The following PLEKHA5 variants were observed in gnomAD, a reference collection of about 807,000 sequenced individuals.
The protein encoded by PLEKHA5 is pleckstrin homology domain containing A5, also known as pleckstrin homology domain-containing family A member 5.
PLEKHA5 carries 55 observed loss-of-function variants against 181.9 expected under a neutral mutation model. The observed-to-expected ratio is 0.30, with a 90% CI of 0.24 to 0.38. The LOEUF (loss-of-function observed/expected upper bound fraction) is 0.38. Ranked by LOEUF, PLEKHA5 falls within the 10% of genes least tolerant of loss-of-function variation. The pLI, the probability that PLEKHA5 is intolerant of heterozygous loss-of-function variation, is 1.00. For synonymous variants in PLEKHA5, 535 were observed against 529.4 expected (o/e 1.01, Z -0.15); for missense variants, 1,432 against 1,549.5 (o/e 0.92, Z 1.27).
In PLEKHA5 at chr12:19,307,121, A is replaced by C; in HGVS notation, c.2038-7693A>C. The C allele has an allele frequency of 4.5e-6, 4 of 880,896 alleles. 1 individual carries two copies. Among genetic ancestry groups the C allele is most frequent in the Non-Finnish European group, 7.6e-6 (4 of 528,208 alleles). The allele number at this position is 880,896 out of a possible 1,614,324, so 54.6% of individuals were successfully genotyped here. A position where few individuals can be genotyped will look rare whatever the true frequency, so the allele number is the denominator to read the frequency against. On this transcript the variant is annotated intron_variant, in intron 15 of 31. Transcript: ENST00000429027. ...ATGAGCACTGTTGGTCCCAAGTTGA[A>C]GCATGTAGCTGCTGGTCTTGTTTCA...
intron 7 of PLEKHA5, 100 bp from the exon 8 acceptor site, chr12:19,265,643 AGTTCATT>A (rs2070106200): frequency 1.5e-6 from 1 of 652,412 alleles, no homozygotes; most frequent in African/African-American, 1.8e-5. Flanking sequence ...ACATGAATAT[AGTTCATT>A]TATGTACAAG....
chr12:19,362,642 T>C (rs1004141576), intron 29 of PLEKHA5, among the ~76,000 whole-genome samples: 5 of 151,988 alleles, frequency 3.3e-5, no homozygotes, highest in African/African-American at 9.7e-5. Context: ...TGCCTGTAGT[T>C]CCAGCTACTC....
At chr12:19,295,099 A>G (rs2079423544) in intron 15 of PLEKHA5, among the ~76,000 whole-genome samples, 1 of 152,220 alleles carries the variant, frequency 6.6e-6, no homozygotes, top group Non-Finnish European at 1.5e-5. Flanking sequence ...TTAAGATAGC[A>G]TAGGCCCAAA....
At chr12:19,370,352 G>A (rs1415197870) in intron 31 of PLEKHA5, among the ~76,000 whole-genome samples, 2 of 152,208 alleles carry the variant, frequency 1.3e-5, no homozygotes, top group African/African-American at 4.8e-5. Flanking sequence ...TGGTATCAGG[G>A]AGAAGAAGGA....
chr12:19,330,801 G>A (rs748142058), intron 20 of PLEKHA5, among the ~76,000 whole-genome samples: 11 of 152,134 alleles, frequency 7.2e-5, no homozygotes, highest in East Asian at 3.9e-4. Context: ...CCTGATCCTC[G>A]AAATATACCA....
In PLEKHA5 at chr12:19,222,843, T is replaced by C. The variant is rs77050846; in HGVS notation, c.228-31097T>C. On this transcript the variant is annotated intron_variant, in intron 3 of 31. Transcript: ENST00000429027. ...TACCCTGCCAAAGACATTCACTCGA[T>C]TGAACACCACACTTCGGGGGGTAGC... Among the ~76,000 whole-genome samples, 551 of 152,182 alleles carry C rather than the reference T, an allele frequency of 3.6e-3. 10 individuals carry two copies. In the East Asian group the frequency reaches 0.053, roughly 15 times the overall value.
At chr12:19,247,696 T>C (rs1202544794) in intron 3 of PLEKHA5, among the ~76,000 whole-genome samples, 1 of 151,440 alleles carries the variant, frequency 6.6e-6, no homozygotes, top group Non-Finnish European at 1.5e-5. Flanking sequence ...AAAAAAACAA[T>C]GCCAAGCCCA....
chr12:19,298,624 C>A (rs888353216), intron 15 of PLEKHA5, among the ~76,000 whole-genome samples: 1 of 151,844 alleles, frequency 6.6e-6, no homozygotes, highest in Non-Finnish European at 1.5e-5. Context: ...CCGCCTCAGC[C>A]TCCCAAAGTG....
intron 3 of PLEKHA5, among the ~76,000 whole-genome samples, chr12:19,227,129 G>A (rs547636781): frequency 2.6e-5 from 4 of 152,110 alleles, no homozygotes; most frequent in African/African-American, 7.2e-5. Context: ...CACAGAACTG[G>A]CTTTTTCATT....
At chr12:19,249,162 A>AT (rs1210778521) in intron 3 of PLEKHA5, among the ~76,000 whole-genome samples, 1 of 152,134 alleles carries the variant, frequency 6.6e-6, no homozygotes, top group Non-Finnish European at 1.5e-5. Context: ...GCAAGACCCC[A>AT]TCTCTGTTTT....
chr12:19,246,474 T>G (rs999442834), intron 3 of PLEKHA5, among the ~76,000 whole-genome samples: 1 of 151,516 alleles, frequency 6.6e-6, no homozygotes, highest in African/African-American at 2.4e-5. Context: ...AATACAAAAA[T>G]TAGCCAGGCA....
At chr12:19,259,647 A>G (rs532553907) in intron 6 of PLEKHA5, among the ~76,000 whole-genome samples, 1 of 152,056 alleles carries the variant, frequency 6.6e-6, no homozygotes, top group Admixed American at 6.6e-5. Flanking sequence ...GCTACTCGGG[A>G]GGCTGAGACA....
At chr12:19,279,345 C>T (rs1056144188) in intron 11 of PLEKHA5, among the ~76,000 whole-genome samples, 1 of 151,984 alleles carries the variant, frequency 6.6e-6, no homozygotes, top group African/African-American at 2.4e-5. Flanking sequence ...TTCTATTTAG[C>T]CCGCAAGCTC....
At chr12:19,231,560 A>AGG (rs1375749499) in intron 3 of PLEKHA5, among the ~76,000 whole-genome samples, 3 of 146,582 alleles carry the variant, frequency 2.0e-5, no homozygotes, top group African/African-American at 7.5e-5. Flanking sequence ...ATATTTATAT[A>AGG]TGTACACATA....
intron 3 of PLEKHA5, among the ~76,000 whole-genome samples, chr12:19,166,399 G>A (rs1020032981): frequency 3.3e-5 from 5 of 152,104 alleles, no homozygotes; most frequent in Admixed American, 6.5e-5. Flanking sequence ...GTGTTACCTC[G>A]TTATCCCTGC....
intron 3 of PLEKHA5, chr12:19,154,595 T>G (rs1161427730): frequency 6.6e-6 from 1 of 152,218 alleles, no homozygotes; most frequent in Non-Finnish European, 1.5e-5. Flanking sequence ...GTAATTGGAA[T>G]AAAGGTGACT....
chr12:19,291,903 A>T (rs746733869), intron 15 of PLEKHA5, among the ~76,000 whole-genome samples: 3 of 152,188 alleles, frequency 2.0e-5, no homozygotes, highest in Non-Finnish European at 4.4e-5. Flanking sequence ...GTAAAGAGGG[A>T]TACAAATGCT....
chr12:19,369,480 G>C (rs2153308516), intron 30 of PLEKHA5, among the ~76,000 whole-genome samples: 1 of 152,106 alleles, frequency 6.6e-6, no homozygotes, highest in East Asian at 1.9e-4. Flanking sequence ...AGGAGTTCAA[G>C]ACCAGCCTGG....
intron 3 of PLEKHA5, among the ~76,000 whole-genome samples, chr12:19,158,601 G>A (rs1193175258): frequency 1.3e-5 from 2 of 152,074 alleles, no homozygotes; most frequent in Non-Finnish European, 2.9e-5. Context: ...AAAATTTGCT[G>A]TAAAAGACAT....
Sources: allele counts gnomAD v4.1 joint callset (sites outside exome capture counted in the v4.1 genomes callset), GRCh38; gene constraint gnomAD v4.1.1; transcripts MANE v1.5; gene names NCBI Gene and HGNC (gene_info 2026-07-23, HGNC 2026-07-21).